SLC44A5: variants seen among roughly 807,000 people sequenced by gnomAD.
SLC44A5 encodes the protein choline transporter-like protein 5.
SLC44A5 carries 57 observed loss-of-function variants against 101.8 expected under a neutral mutation model. The ratio of observed to expected loss-of-function variants is 0.56; its 90% confidence interval spans 0.45 to 0.70. The LOEUF is 0.70. Ranked by LOEUF, SLC44A5 falls within the 30% of genes least tolerant of loss-of-function variation. The pLI is 0.00. For synonymous variants in SLC44A5, 281 were observed against 290.9 expected (o/e 0.97, Z 0.35); for missense variants, 737 against 853.1 (o/e 0.86, Z 1.70).
chr1:75,409,074 C>T (rs928029908), intron 2 of SLC44A5, among the ~76,000 whole-genome samples: 14 of 152,196 alleles, frequency 9.2e-5, no homozygotes, highest in African/African-American at 3.4e-4. Flanking sequence ...GGCCATTATC[C>T]TAAGTGAATA....
At chr1:75,301,623 T>C (rs918202888) in intron 4 of SLC44A5, among the ~76,000 whole-genome samples, 3 of 152,194 alleles carry the variant, frequency 2.0e-5, no homozygotes, top group African/African-American at 7.2e-5. Context: ...AGTTACACAC[T>C]TATTTTTTGA....
At chr1:75,552,532 A>G (rs1382914434) in intron 1 of SLC44A5, among the ~76,000 whole-genome samples, 1 of 152,118 alleles carries the variant, frequency 6.6e-6, no homozygotes, top group East Asian at 1.9e-4. Flanking sequence ...CTATATGCCA[A>G]CCTCAACATC....
intron 4 of SLC44A5, among the ~76,000 whole-genome samples, chr1:75,330,966 C>CTTT (rs71071941): frequency 1.5e-5 from 2 of 136,094 alleles, no homozygotes; most frequent in Admixed American, 7.4e-5. Context: ...AACTTTCTCT[C>CTTT]TTTTTTTTTT....
At chr1:75,242,192 T>C in intron 8 of SLC44A5, 131 bp from the exon 9 acceptor site, 1 of 614,686 alleles carries the variant, frequency 1.6e-6, no homozygotes, top group East Asian at 2.9e-5. Flanking sequence ...CTACTAATAA[T>C]ATTAATTGTA....
intron 6 of SLC44A5, among the ~76,000 whole-genome samples, chr1:75,268,876 G>T (rs899696209): frequency 8.6e-5 from 13 of 151,898 alleles, no homozygotes; most frequent in Middle Eastern, 3.2e-3. Context: ...ATCTCCTATT[G>T]AGAAACATTT....
At chr1:75,257,065 G>T (rs959161583) in intron 6 of SLC44A5, among the ~76,000 whole-genome samples, 4 of 152,156 alleles carry the variant, frequency 2.6e-5, no homozygotes, top group Non-Finnish European at 5.9e-5. Flanking sequence ...TGAAAGGAAA[G>T]TGTGGGTGAA....
At chr1:75,453,827 C>T (rs907660302) in intron 2 of SLC44A5, among the ~76,000 whole-genome samples, 9 of 152,112 alleles carry the variant, frequency 5.9e-5, no homozygotes, top group Non-Finnish European at 1.2e-4. Context: ...TTGAAACACA[C>T]ATTCTCCCAA....
intron 2 of SLC44A5, among the ~76,000 whole-genome samples, chr1:75,489,392 A>G (rs1322649784): frequency 6.6e-6 from 1 of 152,230 alleles, no homozygotes; most frequent in Non-Finnish European, 1.5e-5. Flanking sequence ...AAAAAGAAAA[A>G]CATAGAGCCA....
the SLC44A5 span, among the ~76,000 whole-genome samples, chr1:75,669,009 A>G: frequency 1.3e-5 from 2 of 151,454 alleles, no homozygotes; most frequent in South Asian, 4.1e-4. Context: ...CCAACAAAAG[A>G]AGAAGTGAGA....
chr1:75,628,454 C>T, the SLC44A5 span, among the ~76,000 whole-genome samples: 1 of 152,168 alleles, frequency 6.6e-6, no homozygotes, highest in Non-Finnish European at 1.5e-5. Flanking sequence ...TACCTTGCCT[C>T]TTTCTTCCAT....
At chr1:75,369,608 C>T (rs1234570275) in intron 3 of SLC44A5, among the ~76,000 whole-genome samples, 1 of 152,016 alleles carries the variant, frequency 6.6e-6, no homozygotes, top group African/African-American at 2.4e-5. Flanking sequence ...ATGTAAATGT[C>T]TCCAAATAGA....
chr1:75,588,463 G>T (rs901757268), intron 1 of SLC44A5, among the ~76,000 whole-genome samples: 1 of 151,998 alleles, frequency 6.6e-6, no homozygotes, highest in African/African-American at 2.4e-5. Context: ...AAGTTGAAAG[G>T]TTAAGTCATG....
At chr1:75,260,683 A>G (rs1438450199) in intron 6 of SLC44A5, among the ~76,000 whole-genome samples, 1 of 152,142 alleles carries the variant, frequency 6.6e-6, no homozygotes, top group Non-Finnish European at 1.5e-5. Context: ...CCTAATAGAC[A>G]TCTACAAAAC....
At chr1:75,404,082 G>A (rs1662686249) in intron 2 of SLC44A5, among the ~76,000 whole-genome samples, 1 of 151,796 alleles carries the variant, frequency 6.6e-6, no homozygotes, top group South Asian at 2.1e-4. Flanking sequence ...AACTGATCAA[G>A]CAGAAGAAAG....
chr1:75,231,690 T>C (rs1172911731), intron 12 of SLC44A5, among the ~76,000 whole-genome samples: 4 of 152,232 alleles, frequency 2.6e-5, no homozygotes, highest in African/African-American at 9.6e-5. Context: ...CACATATTCC[T>C]GTTATATGAT....
At chr1:75,410,166 G>T (rs887757318) in intron 2 of SLC44A5, among the ~76,000 whole-genome samples, 1 of 152,026 alleles carries the variant, frequency 6.6e-6, no homozygotes, top group Non-Finnish European at 1.5e-5. Context: ...GCCCATATTT[G>T]TATTAACTAC....
chr1:75,442,410 G>A (rs1665259813), intron 2 of SLC44A5, among the ~76,000 whole-genome samples: 1 of 152,054 alleles, frequency 6.6e-6, no homozygotes, highest in African/African-American at 2.4e-5. Context: ...GTTCCTCTGA[G>A]ACCTCTTCTT....
intron 4 of SLC44A5, among the ~76,000 whole-genome samples, chr1:75,333,402 C>A (rs940122746): frequency 1.3e-5 from 2 of 150,488 alleles, no homozygotes; most frequent in African/African-American, 2.4e-5. Context: ...TAACACTCAT[C>A]TTTAATATTT....
At chr1:75,555,787 T>C (rs1672182616) in intron 1 of SLC44A5, among the ~76,000 whole-genome samples, 1 of 152,152 alleles carries the variant, frequency 6.6e-6, no homozygotes, top group Non-Finnish European at 1.5e-5. Flanking sequence ...GGAAGACAGA[T>C]ACTTCATGTA....
Sources: gnomAD v4.1 joint callset for allele counts (sites outside exome capture counted in the v4.1 genomes callset) on GRCh38, gnomAD v4.1.1 for gene constraint, MANE v1.5 for transcripts, NCBI Gene and HGNC (gene_info 2026-07-23, HGNC 2026-07-21) for gene names.